RECQL: variants seen among roughly 807,000 people sequenced by gnomAD.
RECQL encodes ATP-dependent DNA helicase Q1.
A neutral mutation model predicts 75.8 loss-of-function variants in RECQL; 73 were observed. That is an observed-to-expected ratio of 0.96 (90% CI 0.80 to 1.17). The LOEUF (loss-of-function observed/expected upper bound fraction) is 1.17. Among genes scored for constraint, RECQL ranks in the 50% most tolerant of loss-of-function variants. The pLI, the probability that RECQL is intolerant of heterozygous loss-of-function variation, is 0.00. For missense variants in RECQL, 699 were observed against 772.1 expected (o/e 0.91, Z 1.12); for synonymous variants, 248 against 254.4 (o/e 0.97, Z 0.24).
At chr12:21,473,179 C>T (rs573296050) in intron 12 of RECQL, among the ~76,000 whole-genome samples, 15 of 152,190 alleles carry the variant, frequency 9.9e-5, no homozygotes, top group African/African-American at 3.6e-4. Context: ...TGATGGACCA[C>T]GTATATGCCA....
At chr12:21,475,349 T>C in intron 10 of RECQL, 119 bp downstream of exon 10, 2 of 667,968 alleles carry the variant, frequency 3.0e-6, no homozygotes, top group Non-Finnish European at 5.0e-6. Flanking sequence ...CTGCTAAAAA[T>C]ACATTGTTCT....
rs74069253 is a variant in RECQL at position 21,493,246 on chromosome 12, T to C, written c.17-1530A>G. ...TCCACTGATAAAGGGAACATAACTA[T>C]TCTATGTCATCATGCAGTGAAAAAA... On this transcript the variant is annotated intron_variant, in intron 2 of 14. Transcript: ENST00000444129. Among the ~76,000 whole-genome samples the C allele has an allele frequency of 8.5e-3, 1,296 of 152,330 alleles. 25 individuals are homozygous for C. The highest frequency in any genetic ancestry group is 0.029 in the African/African-American group (1,223 of 41,572).
At chr12:21,480,802 C>T (rs1208057934) in intron 6 of RECQL, among the ~76,000 whole-genome samples, 3 of 152,166 alleles carry the variant, frequency 2.0e-5, no homozygotes, top group Non-Finnish European at 4.4e-5. Context: ...AGACGTACCC[C>T]ACCTCTGCCT....
intron 2 of RECQL, among the ~76,000 whole-genome samples, chr12:21,494,742 T>C (rs1045149588): frequency 1.3e-5 from 2 of 152,126 alleles, no homozygotes; most frequent in African/African-American, 4.8e-5. Flanking sequence ...TCACCAAGAC[T>C]GTGAAAAATA....
chr12:21,498,655 T>A (rs369698984), intron 2 of RECQL, among the ~76,000 whole-genome samples: 3 of 151,696 alleles, frequency 2.0e-5, no homozygotes, highest in East Asian at 3.9e-4. Context: ...TAAGGAAGAG[T>A]ATGTCTGGAA....
Position 21,501,332 on chromosome 12 carries a change from T to C in RECQL, c.-208A>G, listed in dbSNP as rs1328031177. The C allele has an allele frequency of 6.6e-6, 1 of 152,266 alleles. No homozygotes were observed. Among genetic ancestry groups the C allele is most frequent in the Non-Finnish European group, 1.5e-5 (1 of 68,124 alleles). The allele number at this position is 152,266 out of a possible 1,614,324, so 9.4% of individuals were successfully genotyped here. The stretch of plus-strand genomic sequence containing the variant: ...CTTTCCGGTTTCTCCTCCGCCAATG[T>C]GTGGGCGAAAGGAAGTGATCCGCTA... On this transcript the variant is annotated 5_prime_UTR_variant, in exon 1 of 15. Transcript: ENST00000444129.
chr12:21,484,752 T>C (rs1191211187), intron 5 of RECQL, among the ~76,000 whole-genome samples: 2 of 131,360 alleles, frequency 1.5e-5, no homozygotes, highest in East Asian at 2.6e-4. Flanking sequence ...TATATACATA[T>C]TGATATATAT....
At chr12:21,478,920 G>A (rs1943138020) in intron 6 of RECQL, among the ~76,000 whole-genome samples, 1 of 152,070 alleles carries the variant, frequency 6.6e-6, no homozygotes, top group Admixed American at 6.6e-5. Context: ...CCTCCCAACT[G>A]CAGGTCCTGC....
chr12:21,473,677 G>T (rs1326487672), intron 11 of RECQL, 35 bp from the exon 12 acceptor site: 3 of 1,551,476 alleles, frequency 1.9e-6, no homozygotes, highest in African/African-American at 2.7e-5. Flanking sequence ...ATTATTAAAG[G>T]ATATAATAAA....
chr12:21,493,413 CAG>C (rs1169861570), intron 2 of RECQL, among the ~76,000 whole-genome samples: 1 of 151,928 alleles, frequency 6.6e-6, no homozygotes, highest in Non-Finnish European at 1.5e-5. Context: ...GCAAAGAACT[CAG>C]GGGAAAAATG....
Position 21,470,122 on chromosome 12 carries a change from T to C in RECQL, c.*72A>G. The stretch of plus-strand genomic sequence containing the variant: ...TCTATGAAATTCTTTTAAAAACTAT[T>C]GTCTAACTACAAAAATAATGGCATA... On this transcript the variant is annotated 3_prime_UTR_variant, in exon 15 of 15. Coordinates refer to ENST00000444129, the MANE Select transcript of RECQL (RefSeq NM_002907.4). 2 of 1,519,138 alleles carry C rather than the reference T, an allele frequency of 1.3e-6. No individual in the cohort carries two copies. The highest frequency in any genetic ancestry group is 2.8e-5 in the African/African-American group (2 of 71,518). The allele number at this position is 1,519,138 out of a possible 1,614,324, so 94.1% of individuals were successfully genotyped here. A position where few individuals can be genotyped will look rare whatever the true frequency, so the allele number is the denominator to read the frequency against.
Position 21,490,306 on chromosome 12 carries a change from T to C in RECQL, c.287A>G (p.Gln96Arg). The C allele has an allele frequency of 6.2e-7, 1 of 1,612,760 alleles. No homozygotes were observed. The highest frequency in any genetic ancestry group is 8.5e-7 in the Non-Finnish European group (1 of 1,178,962). Reference protein sequence around the residue: ...VFKLEKFRPLQLETINVTMAG... With the variant: ...VFKLEKFRPLRLETINVTMAG... ...CATTGTTACGTTAATAGTTTCAAGC[T>C]GAAGTGGTCTGAACTTTTCCAGTTT... The change falls in exon 4 of 15, where the codon CAG becomes CGG. Residue 96 changes from glutamine to arginine, a missense_variant. Gln to Arg is a conservative substitution (Grantham distance 43). Around this residue, in one of 2 missense-constraint regions of RECQL, gnomAD observed 669 missense variants for 713.5 expected, o/e 0.94. Transcript: ENST00000444129.
Position 21,470,365 on chromosome 12 carries a change from A to C in RECQL, c.1798-19T>G, listed in dbSNP as rs755472957. 6.5e-6 allele frequency: 10 copies of C among 1,532,878 alleles called. No homozygotes were observed. In the East Asian group the frequency reaches 2.3e-4, roughly 36 times the overall value. The allele number at this position is 1,532,878 out of a possible 1,614,324, so 95.0% of individuals were successfully genotyped here. ...ATTCAGCCTACAAAAAAAAAAAAAA[A>C]ACAAAGCAAGCACCTTGGTAAAAAT... is the stretch of plus-strand genomic sequence containing the variant. On this transcript the variant is annotated intron_variant, in intron 14 of 14. Transcript: ENST00000444129.
At chr12:21,474,311 C>G (rs1180698620) in intron 11 of RECQL, among the ~76,000 whole-genome samples, 1 of 151,852 alleles carries the variant, frequency 6.6e-6, no homozygotes, top group African/African-American at 2.4e-5. Flanking sequence ...TGCTATTTAC[C>G]ACCTCGACAT....
chr12:21,474,553 C>T (rs1322951796), intron 11 of RECQL, among the ~76,000 whole-genome samples: 2 of 152,084 alleles, frequency 1.3e-5, no homozygotes, highest in Non-Finnish European at 2.9e-5. Context: ...AATCATGTAA[C>T]TGTACAGCAG....
intron 4 of RECQL, among the ~76,000 whole-genome samples, chr12:21,489,032 T>A (rs1344588551): frequency 6.6e-6 from 1 of 152,184 alleles, no homozygotes; most frequent in Non-Finnish European, 1.5e-5. Context: ...CCTTTAAACT[T>A]TAGCTTAAAT....
chr12:21,492,864 C>A (rs1943439492), intron 2 of RECQL, among the ~76,000 whole-genome samples: 1 of 152,200 alleles, frequency 6.6e-6, no homozygotes, highest in African/African-American at 2.4e-5. Flanking sequence ...TTCAGCAGGG[C>A]ACCAGCATCC....
chr12:21,491,622 C>G lies in RECQL; in HGVS notation c.111G>C (p.Gln37His), dbSNP rs1307949296. ...ELTERQQELI[Q>H]KKKVLTKKIK... ...TTTTCTTTGTCAGGACTTTTTTTTT[C>G]TGAATAAGCTCTTGTTGCCTTTCCG... Residue 37 changes from glutamine (Q) to histidine (H), a missense_variant, in exon 3 of 15, where the codon CAG becomes CAC. Gln to His is a conservative substitution (Grantham distance 24, BLOSUM62 0). Around this residue, in one of 2 missense-constraint regions of RECQL, gnomAD observed 669 missense variants for 713.5 expected, o/e 0.94. Coordinates refer to ENST00000444129, the MANE Select transcript of RECQL (RefSeq NM_002907.4). 1 of 1,609,236 alleles carries G rather than the reference C, an allele frequency of 6.2e-7. No individual in the cohort carries two copies. The highest frequency in any genetic ancestry group is 2.2e-5 in the East Asian group (1 of 44,768).
chr12:21,478,051 C>G (rs183113210), intron 6 of RECQL, 82 bp from the exon 7 acceptor site: 1 of 1,349,296 alleles, frequency 7.4e-7, no homozygotes, highest in African/African-American at 1.5e-5. Flanking sequence ...TGCAGATAAT[C>G]GATGACTACT....
Sources: allele counts gnomAD v4.1 joint callset (sites outside exome capture counted in the v4.1 genomes callset), GRCh38; gene constraint gnomAD v4.1.1; regional missense constraint gnomAD v4.1.1; transcripts MANE v1.5; gene names NCBI Gene and HGNC (gene_info 2026-07-23, HGNC 2026-07-21).